The following CCDC149 variants were observed in gnomAD, a reference collection of about 807,000 sequenced individuals.
The protein encoded by CCDC149 is coiled-coil domain-containing protein 149.
CCDC149 carries 45 observed loss-of-function variants against 59.9 expected under a neutral mutation model. The observed-to-expected ratio is 0.75, with a 90% CI of 0.59 to 0.96. CCDC149 has a LOEUF of 0.96. Among genes scored for constraint, CCDC149 ranks in the 40% least tolerant of loss-of-function variants. CCDC149 has a pLI of 0.00. For synonymous variants in CCDC149, 245 were observed against 260.6 expected (o/e 0.94, Z 0.58); for missense variants, 584 against 664.7 (o/e 0.88, Z 1.33).
chr4:24,946,233 A>T (rs568388493), intron 1 of CCDC149, among the ~76,000 whole-genome samples: 1 of 152,156 alleles, frequency 6.6e-6, no homozygotes, highest in South Asian at 2.1e-4. Flanking sequence ...TCATGGTTCA[A>T]TTGCCTAGCC....
At chr4:24,883,557 A>G (rs997717797) in intron 1 of CCDC149, among the ~76,000 whole-genome samples, 1 of 152,108 alleles carries the variant, frequency 6.6e-6, no homozygotes, top group Non-Finnish European at 1.5e-5. Context: ...AATAGAGACC[A>G]TTATGTCTTG....
intron 3 of CCDC149, among the ~76,000 whole-genome samples, chr4:24,860,085 A>T (rs1346319196): frequency 6.6e-6 from 1 of 152,198 alleles, no homozygotes; most frequent in Non-Finnish European, 1.5e-5. Flanking sequence ...CAGAACTAGA[A>T]AAGACAATCC....
chr4:24,813,671 G>A (rs918738775), intron 12 of CCDC149, among the ~76,000 whole-genome samples: 9 of 151,942 alleles, frequency 5.9e-5, no homozygotes, highest in African/African-American at 2.2e-4. Flanking sequence ...TAAAAGTATT[G>A]ATTGATATGC....
intron 2 of CCDC149, among the ~76,000 whole-genome samples, chr4:24,876,292 TACACACACACACACACACACACAC>T (rs61406129): frequency 8.0e-6 from 1 of 124,732 alleles, no homozygotes; most frequent in African/African-American, 3.1e-5. Flanking sequence ...CATACACACG[TACACACACACACACACACACACAC>T]ACACACACAC....
intron 1 of CCDC149, among the ~76,000 whole-genome samples, chr4:24,907,614 C>T (rs1246936666): frequency 2.0e-5 from 3 of 152,136 alleles, no homozygotes; most frequent in African/African-American, 7.2e-5. Flanking sequence ...AGCCAGGCAG[C>T]AAGCAGACTC....
chr4:24,867,479 TG>T (rs1249500791), intron 3 of CCDC149, among the ~76,000 whole-genome samples: 1 of 152,248 alleles, frequency 6.6e-6, no homozygotes, highest in East Asian at 1.9e-4. Context: ...CATATATGCA[TG>T]GTCTCTGAAA....
chr4:24,975,524 G>C (rs1366306755), intron 1 of CCDC149, among the ~76,000 whole-genome samples: 1 of 145,206 alleles, frequency 6.9e-6, no homozygotes, highest in Non-Finnish European at 1.5e-5. Flanking sequence ...GGAAAAGTAG[G>C]ATAGGGAAGG....
intron 3 of CCDC149, among the ~76,000 whole-genome samples, chr4:24,859,813 T>C (rs1029710846): frequency 6.6e-6 from 1 of 152,296 alleles, no homozygotes; most frequent in Non-Finnish European, 1.5e-5. Context: ...GTGGTCAAGC[T>C]GAGAATCAAA....
intron 1 of CCDC149, among the ~76,000 whole-genome samples, chr4:24,887,276 G>C (rs998197937): frequency 2.0e-5 from 3 of 146,878 alleles, no homozygotes; most frequent in Non-Finnish European, 4.5e-5. Context: ...GGGGTGTAGT[G>C]GGGGTGGGGT....
At chr4:24,940,486 A>G (rs1458132678) in intron 1 of CCDC149, among the ~76,000 whole-genome samples, 1 of 152,244 alleles carries the variant, frequency 6.6e-6, no homozygotes, top group Non-Finnish European at 1.5e-5. Flanking sequence ...AACAGCATCA[A>G]CTAACGAGCA....
Position 24,806,921 on chromosome 4 carries a change from T to G in CCDC149, c.*1468A>C, listed in dbSNP as rs2109078176. 6.5e-6 allele frequency: 1 copy of G among 153,156 alleles called. No individual in the cohort carries two copies. The highest frequency in any genetic ancestry group is 1.9e-4 in the East Asian group (1 of 5,184). The allele number at this position is 153,156 out of a possible 1,614,324, so 9.5% of individuals were successfully genotyped here. On this transcript the variant is annotated 3_prime_UTR_variant, in exon 13 of 13. Transcript: ENST00000635206. ...GCATAGTAAGGGATGGGGCGCCCAT[T>G]CTGCTAGCAGAGTGATTCCTGGAGA...
chr4:24,948,012 G>A (rs1723170660), intron 1 of CCDC149, among the ~76,000 whole-genome samples: 1 of 152,170 alleles, frequency 6.6e-6, no homozygotes, highest in African/African-American at 2.4e-5. Context: ...GGGGCTTGAA[G>A]GGATAGGGAG....
rs1442784956 is a variant in CCDC149, at chr4:24,931,680, G to A, written c.-64-36562C>T. 2.0e-5 allele frequency among the ~76,000 whole-genome samples: 3 copies of A among 151,644 alleles called. No homozygotes were observed. In the East Asian group the frequency reaches 5.8e-4, roughly 29 times the overall value. On this transcript the variant is annotated intron_variant, in intron 1 of 12. Coordinates refer to the CCDC149 transcript ENST00000389609. ...GGATCAAGCAGGTGGAGGTTATGCA[G>A]TGCATATTTTTATGAGCATTATTGT...
At chr4:24,810,596 T>A (rs1334468590) in intron 12 of CCDC149, among the ~76,000 whole-genome samples, 1 of 152,228 alleles carries the variant, frequency 6.6e-6, no homozygotes, top group Non-Finnish European at 1.5e-5. Context: ...CTTCCCATGA[T>A]GTTTGTGAGA....
intron 2 of CCDC149, among the ~76,000 whole-genome samples, chr4:24,875,563 G>C (rs1187909176): frequency 6.7e-6 from 1 of 149,486 alleles, no homozygotes; most frequent in Non-Finnish European, 1.5e-5. Context: ...TCAAACTCCT[G>C]GGCTCAAGCA....
intron 9 of CCDC149, among the ~76,000 whole-genome samples, chr4:24,823,940 T>G (rs1320533436): frequency 6.6e-6 from 1 of 152,262 alleles, no homozygotes; most frequent in African/African-American, 2.4e-5. Context: ...CTATCCTTTG[T>G]AATCTCGCTT....
In CCDC149 at chr4:24,938,705, G is replaced by T. The variant is rs73103298; in HGVS notation, c.-65+41364C>A. Among the ~76,000 whole-genome samples the T allele has an allele frequency of 2.3e-3, 343 of 152,244 alleles. 1 individual carries two copies. Among genetic ancestry groups the T allele is most frequent in the African/African-American group, 8.1e-3 (338 of 41,532 alleles). On this transcript the variant is annotated intron_variant, in intron 1 of 12. Transcript: ENST00000389609. ...TGGGTCACTCCCACCCTAACACTACGCTCTTCCAACAGGCTTAACAAATGG... is the reference window on the plus strand; with the variant it reads ...TGGGTCACTCCCACCCTAACACTACTCTCTTCCAACAGGCTTAACAAATGG...
intron 1 of CCDC149, among the ~76,000 whole-genome samples, chr4:24,903,146 T>C (rs1721277566): frequency 6.6e-6 from 1 of 151,632 alleles, no homozygotes; most frequent in Non-Finnish European, 1.5e-5. Context: ...CTCCCCCTTT[T>C]TAAGAAGCCA....
At chr4:24,850,134 T>G (rs1487460782) in intron 4 of CCDC149, among the ~76,000 whole-genome samples, 1 of 152,270 alleles carries the variant, frequency 6.6e-6, no homozygotes, top group African/African-American at 2.4e-5. Flanking sequence ...GCATACTTTT[T>G]TTTTCTTTTT....
Sources: gnomAD v4.1 joint callset for allele counts (sites outside exome capture counted in the v4.1 genomes callset) on GRCh38, gnomAD v4.1.1 for gene constraint, MANE v1.5 for transcripts, NCBI Gene and HGNC (gene_info 2026-07-23, HGNC 2026-07-21) for gene names.